Variants in STS observed in about 807,000 individuals in gnomAD.
The protein encoded by STS is steryl-sulfatase.
STS carries 7 observed loss-of-function variants against 26.8 expected under a neutral mutation model. The ratio of observed to expected loss-of-function variants is 0.26; its 90% confidence interval spans 0.15 to 0.49. STS has a LOEUF of 0.49. STS is among the 20% of genes least tolerant of loss of function. The pLI, the probability that STS is intolerant of heterozygous loss-of-function variation, is 0.98. For missense variants in STS, 434 were observed against 465.6 expected (o/e 0.93, Z 0.63); for synonymous variants, 199 against 189.4 (o/e 1.05, Z -0.42).
chrX:7,226,764 T>A (rs1402821604), intron 2 of STS, among the ~76,000 whole-genome samples: 5 of 94,678 alleles, frequency 5.3e-5, no homozygotes, highest in African/African-American at 2.0e-4. Flanking sequence ...TGGTGGCTAA[T>A]TTGCCTCTAG....
At chrX:7,298,253 T>C (rs1702190893) in intron 7 of STS, among the ~76,000 whole-genome samples, 2 of 111,845 alleles carry the variant, frequency 1.8e-5, no homozygotes, top group South Asian at 3.8e-4. Flanking sequence ...ACTTTATGCC[T>C]TTTTATTTTG....
intron 8 of STS, among the ~76,000 whole-genome samples, chrX:7,321,084 A>G (rs1304472248): frequency 1.8e-5 from 2 of 112,034 alleles, no homozygotes; most frequent in Non-Finnish European, 3.8e-5. Flanking sequence ...ATGGAATACT[A>G]TGCAGCCATA....
chrX:7,255,386 T>G (rs1429779994), intron 3 of STS, among the ~76,000 whole-genome samples: 1 of 112,313 alleles, frequency 8.9e-6, no homozygotes, highest in Non-Finnish European at 1.9e-5. Context: ...CATCATAATT[T>G]TATTCAGCTT....
At chrX:7,271,277 A>G (rs1293724137) in intron 6 of STS, among the ~76,000 whole-genome samples, 2 of 111,167 alleles carry the variant, frequency 1.8e-5, no homozygotes, top group Non-Finnish European at 3.8e-5. Context: ...ACATAATGTA[A>G]CTCTCTATTT....
In STS at chrX:7,276,230, A is replaced by G. The variant is rs546316824; in HGVS notation, c.943+143A>G. 728 of 775,146 alleles carry G rather than the reference A, an allele frequency of 9.4e-4. 3 individuals carry two copies. In the South Asian group the frequency reaches 0.016, roughly 17 times the overall value. The allele number at this position is 775,146 out of a possible 1,213,427, so 63.9% of individuals were successfully genotyped here. On this transcript the variant is annotated intron_variant, in intron 7 of 10. Transcript: ENST00000674429. ...GTTTTTTGAAAGTAACCAAAAATGC[A>G]TTGATCCTGAAAGGTAAATAGAATA...
intron 8 of STS, among the ~76,000 whole-genome samples, chrX:7,324,401 T>C (rs1223515396): frequency 1.8e-5 from 2 of 111,577 alleles, no homozygotes; most frequent in Non-Finnish European, 3.8e-5. Flanking sequence ...GATACCAGAC[T>C]CTTGGTCAGT....
intron 9 of STS, among the ~76,000 whole-genome samples, chrX:7,325,951 G>C (rs761232729): frequency 1.2e-4 from 13 of 112,320 alleles, no homozygotes; most frequent in Middle Eastern, 4.6e-3. Flanking sequence ...AAGTAGGTCA[G>C]AGGATTTATT....
intron 6 of STS, among the ~76,000 whole-genome samples, chrX:7,269,993 G>A (rs1459378248): frequency 5.4e-5 from 6 of 111,807 alleles, no homozygotes; most frequent in Non-Finnish European, 9.4e-5. Flanking sequence ...AAATGCCTTA[G>A]CCATCTTCTT....
intron 1 of STS, among the ~76,000 whole-genome samples, chrX:7,153,919 CCTTT>C (rs1247606684): frequency 9.2e-5 from 10 of 109,074 alleles, no homozygotes; most frequent in African/African-American, 3.3e-4. Context: ...TCCTTCCCTT[CCTTT>C]CTTTCTTCTC....
At chrX:7,183,998 A>G (rs1450394663) in intron 1 of STS, among the ~76,000 whole-genome samples, 8 of 96,965 alleles carry the variant, frequency 8.3e-5, no homozygotes, top group Non-Finnish European at 1.7e-4. Context: ...GTGAAACTCC[A>G]TCTCAAATAA....
intron 8 of STS, among the ~76,000 whole-genome samples, chrX:7,306,719 A>C (rs1327489294): frequency 1.8e-5 from 2 of 111,761 alleles, no homozygotes; most frequent in South Asian, 3.8e-4. Flanking sequence ...AATGTTTGCA[A>C]AGGAGACACG....
intron 1 of STS, among the ~76,000 whole-genome samples, chrX:7,173,801 T>C (rs180805171): frequency 5.3e-5 from 6 of 112,406 alleles, no homozygotes; most frequent in Admixed American, 3.8e-4. Context: ...ATCAACTCTT[T>C]TCTTTTTGGA....
intron 8 of STS, among the ~76,000 whole-genome samples, chrX:7,315,505 C>T (rs1344941477): frequency 9.0e-6 from 1 of 111,304 alleles, no homozygotes; most frequent in Non-Finnish European, 1.9e-5. Flanking sequence ...GGAGAATTGA[C>T]TCACACAATC....
chrX:7,339,472 T>A (rs1309159510), intron 10 of STS, among the ~76,000 whole-genome samples: 1 of 112,598 alleles, frequency 8.9e-6, no homozygotes, highest in Non-Finnish European at 1.9e-5. Context: ...TTATTTTCTC[T>A]GTGAACACTT....
intron 1 of STS, among the ~76,000 whole-genome samples, chrX:7,159,700 G>A (rs1933204364): frequency 8.9e-6 from 1 of 112,189 alleles, no homozygotes; most frequent in African/African-American, 3.2e-5. Flanking sequence ...TTCAGGGCTG[G>A]CACCCAAAGC....
chrX:7,307,280 G>T (rs1419150546), intron 8 of STS, among the ~76,000 whole-genome samples: 1 of 111,544 alleles, frequency 9.0e-6, no homozygotes, highest in Non-Finnish European at 1.9e-5. Flanking sequence ...GCCCTTCTCT[G>T]TGTGCCATGT....
At chrX:7,342,300 G>A (rs1159567916) in intron 10 of STS, among the ~76,000 whole-genome samples, 1 of 111,731 alleles carries the variant, frequency 9.0e-6, no homozygotes, top group Non-Finnish European at 1.9e-5. Context: ...TTCCAGCTGG[G>A]AATTCAGATG....
chrX:7,266,229 G>A (rs1200126877), intron 6 of STS, among the ~76,000 whole-genome samples: 1 of 111,927 alleles, frequency 8.9e-6, no homozygotes, highest in Non-Finnish European at 1.9e-5. Context: ...CAAAGGTGGT[G>A]AGGAAAATGA....
At chrX:7,216,429 G>T (rs978062486) in intron 2 of STS, among the ~76,000 whole-genome samples, 9 of 112,098 alleles carry the variant, frequency 8.0e-5, no homozygotes, top group African/African-American at 2.6e-4. Context: ...AGTAAGGAGG[G>T]ACTTTTATTC....
Sources: gnomAD v4.1 joint callset for allele counts (sites outside exome capture counted in the v4.1 genomes callset) on GRCh38, gnomAD v4.1.1 for gene constraint, MANE v1.5 for transcripts, NCBI Gene and HGNC (gene_info 2026-07-23, HGNC 2026-07-21) for gene names.